The following GLYATL2 variants were observed in gnomAD, a reference collection of about 807,000 sequenced individuals.
The protein encoded by GLYATL2 is glycine-N-acyltransferase like 2, also known as glycine N-acyltransferase-like protein 2.
A neutral mutation model predicts 21.4 loss-of-function variants in GLYATL2; 25 were observed. The ratio of observed to expected loss-of-function variants is 1.17; its 90% CI spans 0.85 to 1.63. The LOEUF (loss-of-function observed/expected upper bound fraction) is 1.63, where lower values mean the gene tolerates loss of function less well. Among genes scored for constraint, GLYATL2 ranks in the 40% most tolerant of loss-of-function variants. GLYATL2 has a pLI of 0.00. For missense variants in GLYATL2, 361 were observed against 343.3 expected, an observed-to-expected ratio of 1.05 and a Z score of -0.41; for synonymous variants, 114 against 118.2, an observed-to-expected ratio of 0.96 and a Z score of 0.23.
At chr11:58,872,468 G>A (rs1485579288) in intron 1 of GLYATL2, among the ~76,000 whole-genome samples, 3 of 152,180 alleles carry the variant, frequency 2.0e-5, no homozygotes, top group Non-Finnish European at 4.4e-5. Flanking sequence ...TGTATAAGGT[G>A]TAAGGAAGAG....
Position 58,868,392 on chromosome 11 carries a change from A to T in GLYATL2, n.61-30024T>A, listed in dbSNP as rs891206263. ...GACACCAGGCATCTCATAAATCATG[A>T]TTGCTTCCTTAGGTCTCCTGAGTTC... On this transcript the variant is annotated intron_variant and non_coding_transcript_variant, in intron 1 of 4. Coordinates refer to the GLYATL2 transcript ENST00000533636. Among the ~76,000 whole-genome samples the T allele has an allele frequency of 1.3e-5, 2 of 148,548 alleles. 1 individual carries two copies. Among genetic ancestry groups the T allele is most frequent in the East Asian group, 4.5e-4 (2 of 4,426 alleles).
intron 1 of GLYATL2, among the ~76,000 whole-genome samples, chr11:58,854,705 T>A (rs923751434): frequency 1.3e-5 from 2 of 152,220 alleles, no homozygotes; most frequent in African/African-American, 4.8e-5. Context: ...AAAATGCTAT[T>A]TGGTAGCATT....
chr11:58,841,059 T>C (rs1413598351), intron 1 of GLYATL2, among the ~76,000 whole-genome samples: 1 of 152,002 alleles, frequency 6.6e-6, no homozygotes, highest in Non-Finnish European at 1.5e-5. Context: ...TATATAAATA[T>C]GTAATACCTC....
chr11:58,895,880 G>T (rs1379461079), intron 1 of GLYATL2, among the ~76,000 whole-genome samples: 2 of 150,318 alleles, frequency 1.3e-5, no homozygotes, highest in South Asian at 4.2e-4. Context: ...TTTTGAAGGA[G>T]TCTGGCTCTG....
Position 58,834,753 on chromosome 11 carries a change from C to T in GLYATL2, c.561G>A (p.Arg187=). Residue 187 remains arginine (R), a synonymous_variant, in exon 6 of 6, where the codon AGG becomes AGA. Transcript: ENST00000287275. ...NEHWAFGKNE[R]SLKYIERCLQ... ...GGCAGCGTTCAATATATTTCAAGCT[C>T]CTCTCATTTTTCCCAAAGGCCCAGT... 6.2e-7 allele frequency: 1 copy of T among 1,613,878 alleles called. No homozygotes were observed. Among genetic ancestry groups the T allele is most frequent in the Non-Finnish European group, 8.5e-7 (1 of 1,179,840 alleles).
At chr11:58,881,865 G>C (rs1854342127) in intron 1 of GLYATL2, among the ~76,000 whole-genome samples, 1 of 152,116 alleles carries the variant, frequency 6.6e-6, no homozygotes, top group South Asian at 2.1e-4. Flanking sequence ...GTGATAGTTT[G>C]TTCAGAATGA....
chr11:58,893,159 G>A (rs1854574757), intron 1 of GLYATL2: 1 of 385,802 alleles, frequency 2.6e-6, no homozygotes, highest in South Asian at 8.1e-5. Context: ...CGCTGCATAG[G>A]AGCCATGCCA....
chr11:58,853,619 T>C (rs643881), intron 1 of GLYATL2, among the ~76,000 whole-genome samples: 135,019 of 152,182 alleles, frequency 0.89, 61,056 homozygotes, highest in Non-Finnish European at 0.98. Context: ...GTTTTCAAAA[T>C]TGGGACTCTG....
intron 1 of GLYATL2, among the ~76,000 whole-genome samples, chr11:58,866,769 C>T (rs1854029655): frequency 6.7e-6 from 1 of 149,028 alleles, no homozygotes; most frequent in Admixed American, 6.9e-5. Context: ...CTAGTCACTG[C>T]CTCAAGGTAA....
intron 1 of GLYATL2, among the ~76,000 whole-genome samples, chr11:58,841,460 G>A (rs531112649): frequency 6.6e-6 from 1 of 152,178 alleles, no homozygotes; most frequent in Non-Finnish European, 1.5e-5. Context: ...GAAAAGGTAT[G>A]TGAAGTGTTT....
intron 1 of GLYATL2, among the ~76,000 whole-genome samples, chr11:58,870,837 T>A (rs1854104933): frequency 6.6e-6 from 1 of 152,214 alleles, no homozygotes. Flanking sequence ...GCTTCCAAGC[T>A]GTCCTCTTTA....
rs1027079981 is a variant in GLYATL2, at chr11:58,876,130, T to C, written n.60+28026A>G. Among the ~76,000 whole-genome samples the C allele has an allele frequency of 5.2e-4, 79 of 152,250 alleles. 3 individuals carry two copies. Among genetic ancestry groups the C allele is most frequent in the Non-Finnish European group, 1.5e-5 (1 of 68,046 alleles). On this transcript the variant is annotated intron_variant and non_coding_transcript_variant, in intron 1 of 4. Coordinates refer to the GLYATL2 transcript ENST00000533636. Reference sequence around the variant, plus strand: ...ATCACGTTGTTCTCGTGCCATGGATTTCAGCTCCATCAGGTCTTTTAAGGA... The same window carrying C: ...ATCACGTTGTTCTCGTGCCATGGATCTCAGCTCCATCAGGTCTTTTAAGGA...
intron 1 of GLYATL2, among the ~76,000 whole-genome samples, chr11:58,885,726 C>G (rs1051683153): frequency 6.6e-6 from 1 of 152,124 alleles, no homozygotes; most frequent in Non-Finnish European, 1.5e-5. Context: ...AAGCACAGGA[C>G]TCTTCTGGGA....
chr11:58,883,422 A>G (rs966843627), intron 1 of GLYATL2, among the ~76,000 whole-genome samples: 3 of 152,252 alleles, frequency 2.0e-5, no homozygotes, highest in African/African-American at 7.2e-5. Flanking sequence ...AACTACCGTC[A>G]GAGAACACTA....
intron 1 of GLYATL2, among the ~76,000 whole-genome samples, chr11:58,861,670 T>A (rs1482595436): frequency 6.6e-6 from 1 of 151,872 alleles, no homozygotes; most frequent in Non-Finnish European, 1.5e-5. Flanking sequence ...AAGATCTTTC[T>A]TTTTTTTCAA....
At chr11:58,900,657 CAA>C (rs1854720772) in intron 1 of GLYATL2, among the ~76,000 whole-genome samples, 1 of 152,126 alleles carries the variant, frequency 6.6e-6, no homozygotes, top group Admixed American at 6.6e-5. Context: ...GGTTAATTGA[CAA>C]AGAGGGTTGA....
chr11:58,866,604 C>G (rs890571827), intron 1 of GLYATL2, among the ~76,000 whole-genome samples: 1 of 148,850 alleles, frequency 6.7e-6, no homozygotes, highest in African/African-American at 2.4e-5. Flanking sequence ...CACCTGTCAT[C>G]TTAGAAGCCA....
intron 1 of GLYATL2, among the ~76,000 whole-genome samples, chr11:58,893,721 TA>T (rs1254531666): frequency 1.3e-5 from 2 of 152,184 alleles, no homozygotes; most frequent in Non-Finnish European, 2.9e-5. Flanking sequence ...AGTAAACATG[TA>T]ACTAGAAAGC....
chr11:58,874,696 T>G (rs1277773245), intron 1 of GLYATL2, among the ~76,000 whole-genome samples: 2 of 152,118 alleles, frequency 1.3e-5, no homozygotes, highest in African/African-American at 4.8e-5. Context: ...GCTGAGGAGT[T>G]CTTTACTTCC....
Sources: gnomAD v4.1 joint callset for allele counts (sites outside exome capture counted in the v4.1 genomes callset) on GRCh38, gnomAD v4.1.1 for gene constraint, MANE v1.5 for transcripts, NCBI Gene and HGNC (gene_info 2026-07-23, HGNC 2026-07-21) for gene names.